ATM: variants seen among roughly 807,000 people sequenced by gnomAD.
ATM encodes the protein ATM serine/threonine kinase.
ATM carries 308 observed loss-of-function variants against 387.0 expected under a neutral mutation model. The ratio of observed to expected loss-of-function variants is 0.80; its 90% CI spans 0.73 to 0.87. The LOEUF is 0.87. ATM is among the 40% of genes least tolerant of loss of function. The probability of loss-of-function intolerance (pLI) is 0.00; values close to 1 mark genes in which losing one functional copy is unlikely to be tolerated. For missense variants in ATM, 3,312 were observed against 3,560.9 expected, an observed-to-expected ratio of 0.93 and a Z score of 1.78; for synonymous variants, 1,156 against 1,187.3, an observed-to-expected ratio of 0.97 and a Z score of 0.54.
At chr11:108,258,396 A>G (rs1319745766) in intron 15 of ATM, among the ~76,000 whole-genome samples, 1 of 152,210 alleles carries the variant, frequency 6.6e-6, no homozygotes, top group Admixed American at 6.5e-5. Flanking sequence ...TCATTCATTT[A>G]ATAAAAATTT....
chr11:108,295,261 GC>G, intron 32 of ATM: 1 of 621,014 alleles, frequency 1.6e-6, no homozygotes, highest in Non-Finnish European at 2.7e-6. Flanking sequence ...TTCATCCTCT[GC>G]CAGATGATTT....
At chr11:108,310,809 T>C (rs2084092896) in intron 39 of ATM, among the ~76,000 whole-genome samples, 1 of 152,226 alleles carries the variant, frequency 6.6e-6, no homozygotes, top group Non-Finnish European at 1.5e-5. Flanking sequence ...TTTATCTACC[T>C]ATATTTCTAG....
chr11:108,311,031 G>A (rs915420579), intron 39 of ATM, among the ~76,000 whole-genome samples: 2 of 152,160 alleles, frequency 1.3e-5, no homozygotes, highest in African/African-American at 4.8e-5. Context: ...GCAGTGGTGC[G>A]ATCATAGCTC....
chr11:108,275,992 C>T (rs576666381), intron 22 of ATM, among the ~76,000 whole-genome samples: 7 of 152,326 alleles, frequency 4.6e-5, no homozygotes, highest in African/African-American at 1.7e-4. Flanking sequence ...CTTTCAGGTA[C>T]ACCAGACAAA....
Position 108,310,196 on chromosome 11 carries a change from G to C in ATM, c.5799G>C (p.Trp1933Cys), listed in dbSNP as rs2084026241. 6.2e-7 allele frequency: 1 copy of C among 1,613,388 alleles called. No individual in the cohort carries two copies. The change falls in exon 39 of 63, where the codon TGG becomes TGC. Residue 1933 changes from tryptophan (W) to cysteine (C), a missense_variant. Trp to Cys is a radical substitution (Grantham distance 215, BLOSUM62 -2). Coordinates refer to ENST00000675843, the MANE Select transcript of ATM (RefSeq NM_000051.4). The part of the protein sequence containing the change: ...SSGTIFNDAF[W>C]LDLNYLEVAK... Reference sequence around the variant, plus strand: ...GAACAATTTTTAATGATGCTTTCTGGCTGGATTTAAATTATCTAGAAGTTG... The same window carrying C: ...GAACAATTTTTAATGATGCTTTCTGCCTGGATTTAAATTATCTAGAAGTTG...
At chr11:108,310,462 A>G in intron 39 of ATM, 147 bp downstream of exon 39, 1 of 749,162 alleles carries the variant, frequency 1.3e-6, no homozygotes, top group Non-Finnish European at 2.1e-6. Flanking sequence ...ATTATAATAA[A>G]TTTTTAAAAA....
chr11:108,347,444 T>C (rs2088585179), intron 59 of ATM, 79 bp downstream of exon 59: 3 of 1,175,680 alleles, frequency 2.6e-6, no homozygotes, highest in South Asian at 1.3e-5. Flanking sequence ...TACCAAGATA[T>C]TACAAATATA....
chr11:108,231,070 G>T (rs2078987964), intron 4 of ATM, among the ~76,000 whole-genome samples: 1 of 152,074 alleles, frequency 6.6e-6, no homozygotes, highest in African/African-American at 2.4e-5. Flanking sequence ...CTTTCATTCT[G>T]TACTCTTACT....
At position 108,252,932 on chromosome 11, in the gene ATM, T is replaced by G; in HGVS notation, c.1898+20T>G. ...AGAATGGTATGTTATCTAATAATGC[T>G]CTTTATCATTTTAAGCTATAGCTTT... On this transcript the variant is annotated intron_variant, in intron 12 of 62. Coordinates refer to ENST00000675843, the MANE Select transcript of ATM (RefSeq NM_000051.4). The G allele has an allele frequency of 6.4e-7, 1 of 1,558,930 alleles. No homozygotes were observed. Among genetic ancestry groups the G allele is most frequent in the South Asian group, 1.1e-5 (1 of 89,440 alleles).
chr11:108,334,887 A>C, intron 54 of ATM, 82 bp from the exon 55 acceptor site: 1 of 1,476,704 alleles, frequency 6.8e-7, no homozygotes, highest in Non-Finnish European at 9.4e-7. Context: ...TTTAATATTA[A>C]AATTGCCATT....
chr11:108,254,011 A>G lies in ATM; in HGVS notation c.2096A>G (p.Glu699Gly), dbSNP rs147934285. ...GATCGCTGTCTTCTGGGATTATCAG[A>G]ACAGCTTCTGAATAATTACTCATCT... ...SLDRCLLGLS[E>G]QLLNNYSSEI... Residue 699 changes from glutamate to glycine, a missense_variant, in exon 13 of 63, where the codon GAA becomes GGA. By Grantham distance (98) the Glu-to-Gly change is moderately conservative. Around this residue, in one of 4 missense-constraint regions of ATM, gnomAD observed 1,791 missense variants for 1,804.5 expected, o/e 0.99. Transcript: ENST00000675843. 219 of 1,613,948 alleles carry G rather than the reference A, an allele frequency of 1.4e-4. 1 individual carries two copies. The African/African-American group carries it at 2.2e-3, about 16-fold the overall frequency.
chr11:108,358,914 C>T (rs1254240164), intron 61 of ATM, among the ~76,000 whole-genome samples: 1 of 151,878 alleles, frequency 6.6e-6, no homozygotes, highest in Non-Finnish European at 1.5e-5. Context: ...CAGCTAACAT[C>T]ATAATGACAG....
chr11:108,284,004 A>T (rs1356785561), intron 25 of ATM, among the ~76,000 whole-genome samples: 3 of 152,070 alleles, frequency 2.0e-5, no homozygotes, highest in Admixed American at 6.6e-5. Context: ...TTTAAATCCC[A>T]TAATTATGGT....
chr11:108,257,514 C>G lies in ATM; in HGVS notation c.2284C>G (p.Leu762Val), dbSNP rs876659401. The change falls in exon 15 of 63, where the codon CTG becomes GTG. Residue 762 changes from leucine (L) to valine (V), a missense_variant. Transcript: ENST00000675843. The part of the protein sequence containing the change: ...LMQCAGESIT[L>V]FKNKTNEEFR... ...GCAATGTGCAGGAGAAAGTATCACT[C>G]TGTTTAAAAATAAGACAAATGAGGA... 1.9e-6 allele frequency: 3 copies of G among 1,613,514 alleles called. No individual in the cohort carries two copies. The highest frequency in any genetic ancestry group is 1.3e-5 in the African/African-American group (1 of 74,948).
intron 6 of ATM, 96 bp from the exon 7 acceptor site, chr11:108,244,692 G>A (rs372535685): frequency 4.2e-6 from 4 of 956,006 alleles, no homozygotes. Flanking sequence ...TTAGGGTTTT[G>A]TTTTTTTTTC....
intron 16 of ATM, among the ~76,000 whole-genome samples, chr11:108,263,711 C>A (rs1167296163): frequency 6.8e-6 from 1 of 146,266 alleles, no homozygotes; most frequent in Non-Finnish European, 1.5e-5. Context: ...TTGAAAGGAT[C>A]AACAAAATTG....
At chr11:108,343,495 T>A in intron 57 of ATM, 124 bp downstream of exon 57, 2 of 1,175,642 alleles carry the variant, frequency 1.7e-6, no homozygotes, top group Non-Finnish European at 2.4e-6. Flanking sequence ...TCAAAGATAC[T>A]AAGTAAAAGA....
Position 108,250,784 on chromosome 11 carries a change from C to G in ATM, c.1319C>G (p.Ser440Cys). The G allele has an allele frequency of 6.2e-7, 1 of 1,612,866 alleles. No individual in the cohort carries two copies. The highest frequency in any genetic ancestry group is 8.5e-7 in the Non-Finnish European group (1 of 1,179,860). ...CELSPLLMIL[S>C]QLLPQQRHGE... ...CTGTCTCCATTACTGATGATACTATCTCAGCTTCTACCCCAACAGCGACAT... is the reference window on the plus strand; with the variant it reads ...CTGTCTCCATTACTGATGATACTATGTCAGCTTCTACCCCAACAGCGACAT... The change falls in exon 10 of 63, where the codon TCT becomes TGT. Residue 440 changes from serine (S) to cysteine (C), a missense_variant. Ser to Cys is a moderately radical substitution (Grantham distance 112, BLOSUM62 -1). Around this residue, in one of 4 missense-constraint regions of ATM, gnomAD observed 1,791 missense variants for 1,804.5 expected, o/e 0.99. Transcript: ENST00000675843.
intron 60 of ATM, 119 bp downstream of exon 60, chr11:108,353,999 T>A: frequency 9.8e-7 from 1 of 1,018,958 alleles, no homozygotes; most frequent in Non-Finnish European, 1.5e-6. Context: ...GAGGATTGTT[T>A]GAGCCCAGGA....
Sources: allele counts gnomAD v4.1 joint callset (sites outside exome capture counted in the v4.1 genomes callset), GRCh38; gene constraint gnomAD v4.1.1; regional missense constraint gnomAD v4.1.1; transcripts MANE v1.5; gene names NCBI Gene and HGNC (gene_info 2026-07-23, HGNC 2026-07-21).